SBK3: variants seen among roughly 807,000 people sequenced by gnomAD.
SBK3 encodes SH3 domain binding kinase family member 3.
In SBK3, 16 loss-of-function variants were observed where a neutral mutation model predicts 12.7. That is an observed-to-expected ratio of 1.26 (90% CI 0.86 to 1.92). SBK3 has a LOEUF of 1.92. Among genes scored for constraint, SBK3 ranks in the 40% most tolerant of loss-of-function variants. The pLI is 0.00. For missense variants in SBK3, 462 were observed against 481.8 expected, an observed-to-expected ratio of 0.96 and a Z score of 0.38; for synonymous variants, 217 against 213.6, an observed-to-expected ratio of 1.02 and a Z score of -0.14.
chr19:55,542,217 AGT>A (rs1988569123), intron 3 of SBK3, among the ~76,000 whole-genome samples: 1 of 152,188 alleles, frequency 6.6e-6, no homozygotes, highest in Non-Finnish European at 1.5e-5. Flanking sequence ...AGTATTGAAC[AGT>A]GTGTCCATCC....
chr19:55,542,157 G>T (rs1243196014), intron 3 of SBK3, among the ~76,000 whole-genome samples: 1 of 152,142 alleles, frequency 6.6e-6, no homozygotes, highest in Non-Finnish European at 1.5e-5. Flanking sequence ...CGTCTAGCCA[G>T]CCAGCTGGCC....
chr19:55,541,284 G>T lies in SBK3; in HGVS notation c.642C>A (p.Pro214=), dbSNP rs769640541. ...CGGCTGGCCGCAGAGGCAGGGTGTC[G>T]GGCGGTAGCAGGAGACAGAGCTCAG... ...APPELCLLLP[P]DTLPLRPAVD... Residue 214 remains proline, a synonymous_variant, in exon 4 of 4, where the codon CCC becomes CCA. Coordinates refer to ENST00000612221, the MANE Select transcript of SBK3 (RefSeq NM_001199824.2). This position sits in a 1 kb window ranked among gnomAD's most constrained non-coding sequence, Gnocchi z 5.3. The T allele has an allele frequency of 3.3e-6, 5 of 1,535,640 alleles. 1 individual carries two copies. The African/African-American group carries it at 4.1e-5, about 13-fold the overall frequency.
At chr19:55,544,421 G>T in intron 2 of SBK3, 119 bp from the exon 3 acceptor site, 1 of 796,914 alleles carries the variant, frequency 1.3e-6, no homozygotes, top group Non-Finnish European at 2.0e-6. Context: ...GGGCTCCCCT[G>T]TCTGTGAAGT....
Position 55,542,308 on chromosome 19 carries a change from C to T in SBK3, c.400-782G>A, listed in dbSNP as rs369916578. On this transcript the variant is annotated intron_variant, in intron 3 of 3. Transcript: ENST00000612221. ...TATCCAACATCCATATATTCATCCT[C>T]CCTTGCTTCCTTTCACCCATCCACT... 1.4e-4 allele frequency among the ~76,000 whole-genome samples: 22 copies of T among 152,282 alleles called. No homozygotes were observed. The East Asian group carries it at 2.5e-3, about 17-fold the overall frequency.
chr19:55,543,944 G>A (rs554988575), intron 3 of SBK3, among the ~76,000 whole-genome samples, 156 bp downstream of exon 3: 91 of 152,198 alleles, frequency 6.0e-4, no homozygotes, highest in African/African-American at 2.1e-3. Context: ...ATGGAACCTC[G>A]TTGAGAATTA....
At position 55,541,826 on chromosome 19, in the gene SBK3, C is replaced by T. The variant is rs1988565303; in HGVS notation, c.400-300G>A. 6.6e-6 allele frequency among the ~76,000 whole-genome samples: 1 copy of T among 152,186 alleles called. No individual in the cohort carries two copies. The highest frequency in any genetic ancestry group is 1.5e-5 in the Non-Finnish European group (1 of 68,030). ...TCCCAAAGACTTTCTCTCCATCATC[C>T]TCAACCTCAACCTGCAGCCATATCT... On this transcript the variant is annotated intron_variant, in intron 3 of 3. Transcript: ENST00000612221. The surrounding 1 kb of genome is among the most constrained non-coding windows in gnomAD (Gnocchi z 5.3).
chr19:55,540,664 G>A lies in SBK3; in HGVS notation c.*182C>T, dbSNP rs113858953. ...TGCGTCTGAGAGAGGAGGGGCAGGA[G>A]CTGGGCTCTTGGGTCCTCAGTTGGA... is the stretch of plus-strand genomic sequence containing the variant. On this transcript the variant is annotated 3_prime_UTR_variant, in exon 4 of 4. Transcript: ENST00000612221. 1.6e-4 allele frequency: 100 copies of A among 644,010 alleles called. No individual in the cohort carries two copies. The highest frequency in any genetic ancestry group is 1.5e-3 in the African/African-American group (86 of 55,748). The allele number at this position is 644,010 out of a possible 1,614,324, so 39.9% of individuals were successfully genotyped here.
At position 55,544,855 on chromosome 19, in the gene SBK3, C is replaced by T. The variant is rs747923486; in HGVS notation, c.140G>A (p.Arg47Gln). ...GCCGTAGGAGCCGGAGCCCAGCTTCCGGATGAGGTGGTACTGGTCCCGAAG... is the reference window on the plus strand; with the variant it reads ...GCCGTAGGAGCCGGAGCCCAGCTTCTGGATGAGGTGGTACTGGTCCCGAAG... ...RSLRDQYHLI[R>Q]KLGSGSYGRV... Residue 47 changes from arginine to glutamine, a missense_variant, in exon 2 of 4, where the codon CGG (arginine) becomes CAG (glutamine). Physicochemically the swap from Arg to Gln is conservative, Grantham distance 43 (BLOSUM62 1). Transcript: ENST00000612221. The T allele has an allele frequency of 1.1e-4, 169 of 1,532,682 alleles. 2 individuals are homozygous for T. The South Asian group carries it at 1.5e-3, about 14-fold the overall frequency. The allele number at this position is 1,532,682 out of a possible 1,614,324, so 94.9% of individuals were successfully genotyped here.
Position 55,545,409 on chromosome 19 carries a change from G to T in SBK3, c.45+90C>A. 9.1e-7 allele frequency: 1 copy of T among 1,101,036 alleles called. No homozygotes were observed. The highest frequency in any genetic ancestry group is 1.3e-6 in the Non-Finnish European group (1 of 764,282). The allele number at this position is 1,101,036 out of a possible 1,614,324, so 68.2% of individuals were successfully genotyped here. A position where few individuals can be genotyped will look rare whatever the true frequency, so the allele number is the denominator to read the frequency against. ...AGGTCTTTGCGTTTCCCTGTTTTCT[G>T]TTTCTCTTCCTCTCTCTCCCCGTGT... On this transcript the variant is annotated intron_variant, in intron 1 of 3. Coordinates refer to ENST00000612221, the MANE Select transcript of SBK3 (RefSeq NM_001199824.2). The surrounding 1 kb of genome is among the most constrained non-coding windows in gnomAD (Gnocchi z 4.4).
chr19:55,545,431 G>A lies in SBK3; in HGVS notation c.45+68C>T, dbSNP rs560257621. The A allele has an allele frequency of 1.3e-4, 158 of 1,263,026 alleles. No individual in the cohort carries two copies. The highest frequency in any genetic ancestry group is 1.6e-4 in the Non-Finnish European group (143 of 904,120). 78.2% of individuals were successfully genotyped at this position (1,263,026 alleles called of 1,614,324 possible). On this transcript the variant is annotated intron_variant, in intron 1 of 3. Transcript: ENST00000612221. This position sits in a 1 kb window ranked among gnomAD's most constrained non-coding sequence, Gnocchi z 4.4. ...TCTGTTTCTCTTCCTCTCTCTCCCC[G>A]TGTTGCCTCCTGCCTCTCTCTCCTT...
rs996398589 is a variant in SBK3 at position 55,541,392 on chromosome 19, A to C, written c.534T>G (p.Arg178=). The change falls in exon 4 of 4, where the codon CGT becomes CGG. Residue 178 remains arginine (R), a synonymous_variant. Coordinates refer to ENST00000612221, the MANE Select transcript of SBK3 (RefSeq NM_001199824.2). This position sits in a 1 kb window ranked among gnomAD's most constrained non-coding sequence, Gnocchi z 5.3. ...NVLVFDPVCS[R]VALGDLGLTR... The stretch of plus-strand genomic sequence containing the variant: ...TCAGACCCAGGTCTCCCAGGGCCAC[A>C]CGGCTGCAGACCGGGTCGAAGACCA... 5.9e-6 allele frequency: 9 copies of C among 1,535,672 alleles called. No homozygotes were observed. In the Admixed American group the frequency reaches 1.8e-4, roughly 30 times the overall value.
At chr19:55,544,407 G>T in intron 2 of SBK3, 105 bp from the exon 3 acceptor site, 1 of 883,194 alleles carries the variant, frequency 1.1e-6, no homozygotes, top group Non-Finnish European at 1.7e-6. Context: ...CTCATGGGCA[G>T]CACGGGCTCC....
rs937700304 is a variant in SBK3 at position 55,545,290 on chromosome 19, G to A, written c.45+209C>T. On this transcript the variant is annotated intron_variant, in intron 1 of 3. Coordinates refer to ENST00000612221, the MANE Select transcript of SBK3 (RefSeq NM_001199824.2). This position sits in a 1 kb window ranked among gnomAD's most constrained non-coding sequence, Gnocchi z 4.4. ...ACCGTCCTCTTCCCCTGTGCATCCCGCTGTGTGTTTCTGAGTCCAATTCTC... is the reference window on the plus strand; with the variant it reads ...ACCGTCCTCTTCCCCTGTGCATCCCACTGTGTGTTTCTGAGTCCAATTCTC... The A allele has an allele frequency of 4.6e-5, 27 of 589,842 alleles. No individual in the cohort carries two copies. The highest frequency in any genetic ancestry group is 3.8e-4 in the Middle Eastern group (1 of 2,660). The allele number at this position is 589,842 out of a possible 1,614,324, so 36.5% of individuals were successfully genotyped here. A position where few individuals can be genotyped will look rare whatever the true frequency, so the allele number is the denominator to read the frequency against.
chr19:55,545,017 T>C lies in SBK3; in HGVS notation c.46-68A>G. 4.1e-6 allele frequency: 5 copies of C among 1,211,480 alleles called. No individual in the cohort carries two copies. The highest frequency in any genetic ancestry group is 5.7e-6 in the Non-Finnish European group (5 of 880,340). The allele number at this position is 1,211,480 out of a possible 1,614,324, so 75.0% of individuals were successfully genotyped here. ...CCACTGAGAGTGGTGGGGGAGGAGG[T>C]CACGGCGCAGCCCCAGGATGGAGGG... On this transcript the variant is annotated intron_variant, in intron 1 of 3. Transcript: ENST00000612221. This position sits in a 1 kb window ranked among gnomAD's most constrained non-coding sequence, Gnocchi z 4.4.
chr19:55,545,054 A>G lies in SBK3; in HGVS notation c.46-105T>C. The G allele has an allele frequency of 1.2e-6, 1 of 831,066 alleles. No homozygotes were observed. Among genetic ancestry groups the G allele is most frequent in the East Asian group, 2.8e-5 (1 of 35,996 alleles). 51.5% of individuals were successfully genotyped at this position (831,066 alleles called of 1,614,324 possible). A position where few individuals can be genotyped will look rare whatever the true frequency, so the allele number is the denominator to read the frequency against. On this transcript the variant is annotated intron_variant, in intron 1 of 3. Transcript: ENST00000612221. This position sits in a 1 kb window ranked among gnomAD's most constrained non-coding sequence, Gnocchi z 4.4. ...CCCAGGATGGAGGGTGGGGCAGGGG[A>G]CAGGGGTCACTGTCCCCAGAGAGGA...
chr19:55,544,691 A>G (rs1259712642), intron 2 of SBK3, 108 bp downstream of exon 2: 1 of 1,121,730 alleles, frequency 8.9e-7, no homozygotes, highest in Admixed American at 3.0e-5. Flanking sequence ...ACCCCCACTG[A>G]GAAGGGTCCC....
Position 55,541,164 on chromosome 19 carries a change from G to A in SBK3, c.762C>T (p.Ala254=), listed in dbSNP as rs1415374152. ...GCTTGGTGGTCACCCAGCCAGCGAA[G>A]GCCTCGAACTCAGGGTTGGGGGCCA... ...VALAPNPEFE[A]FAGWVTTKPQ... The change falls in exon 4 of 4, where the codon GCC becomes GCT. Residue 254 remains alanine, a synonymous_variant. Coordinates refer to ENST00000612221, the MANE Select transcript of SBK3 (RefSeq NM_001199824.2). This position sits in a 1 kb window ranked among gnomAD's most constrained non-coding sequence, Gnocchi z 5.3. 2.9e-5 allele frequency: 44 copies of A among 1,535,842 alleles called. No homozygotes were observed. The highest frequency in any genetic ancestry group is 3.7e-5 in the Non-Finnish European group (42 of 1,146,864).
rs768289725 is a variant in SBK3 at position 55,541,416 on chromosome 19, C to T, written c.510G>A (p.Leu170=). ...CACGGCTGCAGACCGGGTCGAAGAC[C>T]AGCACGTTGTCAGGTTTGACATCTG... The part of the protein sequence containing the change: ...VHADVKPDNV[L]VFDPVCSRVA... Residue 170 remains leucine, a synonymous_variant, in exon 4 of 4, where the codon CTG becomes CTA. Transcript: ENST00000612221. The surrounding 1 kb of genome is among the most constrained non-coding windows in gnomAD (Gnocchi z 5.3). The T allele has an allele frequency of 6.5e-7, 1 of 1,535,834 alleles. No individual in the cohort carries two copies. The highest frequency in any genetic ancestry group is 1.2e-5 in the South Asian group (1 of 84,060).
rs763229634 is a variant in SBK3 at position 55,541,070 on chromosome 19, G to A, written c.856C>T (p.Leu286Phe). ...APPALALLQGLLDLDPETRSP... is the reference protein window; with the variant it reads ...APPALALLQGFLDLDPETRSP... ...CTAGTCTCGGGATCCAGGTCCAGAA[G>A]CCCCTGGAGCAAGGCCAGGGCTGGG... Residue 286 changes from leucine (L) to phenylalanine (F), a missense_variant, in exon 4 of 4, where the codon CTT becomes TTT. Transcript: ENST00000612221. The surrounding 1 kb of genome is among the most constrained non-coding windows in gnomAD (Gnocchi z 5.3). 4.6e-6 allele frequency: 7 copies of A among 1,535,988 alleles called. No homozygotes were observed. In the South Asian group the frequency reaches 8.3e-5, roughly 18 times the overall value.
Sources: allele counts gnomAD v4.1 joint callset (sites outside exome capture counted in the v4.1 genomes callset), GRCh38; gene constraint gnomAD v4.1.1; non-coding constraint Gnocchi (gnomAD v3.1); transcripts MANE v1.5; gene names NCBI Gene and HGNC (gene_info 2026-07-23, HGNC 2026-07-21).